MRTFB: variants seen among roughly 807,000 people sequenced by gnomAD.
MRTFB encodes the protein myocardin-related transcription factor B.
In MRTFB, 29 loss-of-function variants were observed where a neutral mutation model predicts 104.2. The observed-to-expected ratio is 0.28, with a 90% CI of 0.21 to 0.38. The LOEUF is 0.38. Among genes scored for constraint, MRTFB ranks in the 10% least tolerant of loss-of-function variants. MRTFB has a pLI of 1.00. For synonymous variants in MRTFB, 535 were observed against 519.5 expected, an observed-to-expected ratio of 1.03 and a Z score of -0.41; for missense variants, 1,270 against 1,341.6, an observed-to-expected ratio of 0.95 and a Z score of 0.83.
At position 14,071,385 on chromosome 16, in the gene MRTFB, G is replaced by A; in HGVS notation, c.-129+20G>A. Reference sequence around the variant, plus strand: ...GGGGAGGTGAGCGGCGGGCGGTGGCGGCCGTTGGGGGCTGAGGCCGGGTGA... The same window carrying A: ...GGGGAGGTGAGCGGCGGGCGGTGGCAGCCGTTGGGGGCTGAGGCCGGGTGA... On this transcript the variant is annotated intron_variant, in intron 1 of 16. Transcript: ENST00000571589. 6.2e-6 allele frequency: 1 copy of A among 162,584 alleles called. No individual in the cohort carries two copies. The highest frequency in any genetic ancestry group is 1.3e-5 in the Non-Finnish European group (1 of 76,782). 10.1% of individuals were successfully genotyped at this position (162,584 alleles called of 1,614,324 possible). A position where few individuals can be genotyped will look rare whatever the true frequency, so the allele number is the denominator to read the frequency against.
intron 3 of MRTFB, among the ~76,000 whole-genome samples, chr16:14,157,353 A>C (rs1396970823): frequency 6.6e-6 from 1 of 152,238 alleles, no homozygotes; most frequent in Non-Finnish European, 1.5e-5. Context: ...AATATCACTG[A>C]GGTTATCTGA....
the MRTFB span, among the ~76,000 whole-genome samples, chr16:14,038,962 T>C: frequency 5.3e-5 from 8 of 152,236 alleles, no homozygotes; most frequent in Non-Finnish European, 1.2e-4. Context: ...TATAAAACCA[T>C]CAGATCTCGT....
intron 2 of MRTFB, among the ~76,000 whole-genome samples, chr16:14,127,659 A>AAAT (rs2037184785): frequency 1.7e-4 from 25 of 149,356 alleles, no homozygotes; most frequent in Admixed American, 1.6e-3. Context: ...AAAAAAAAAA[A>AAAT]ATAATGACGA....
the MRTFB span, among the ~76,000 whole-genome samples, chr16:14,014,743 C>T: frequency 6.6e-6 from 1 of 152,098 alleles, no homozygotes; most frequent in African/African-American, 2.4e-5. Flanking sequence ...TGGTGGGTGC[C>T]TGTAATCCCA....
chr16:14,122,694 C>T (rs141371208), intron 2 of MRTFB, among the ~76,000 whole-genome samples: 4 of 152,162 alleles, frequency 2.6e-5, no homozygotes, highest in African/African-American at 9.6e-5. Flanking sequence ...CTATCATTGA[C>T]GGACATTTGG....
Position 14,217,188 on chromosome 16 carries a change from G to C in MRTFB, c.415G>C (p.Asp139His). ...QMKLKRARLA[D>H]DLNEKIAQRP... ...GAAGTTGAAAAGAGCTCGACTAGCA[G>C]ATGATCTGAATGAAAAGATTGCTCA... The change falls in exon 7 of 17, where the codon GAT (aspartate) becomes CAT (histidine). Residue 139 changes from aspartate (D) to histidine (H), a missense_variant. This residue lies in a region of MRTFB where 64 missense variants were observed against 152.9 expected (regional missense o/e 0.42). Coordinates refer to ENST00000571589, the MANE Select transcript of MRTFB (RefSeq NM_001308142.2). 6.2e-7 allele frequency: 1 copy of C among 1,613,950 alleles called. No homozygotes were observed. The highest frequency in any genetic ancestry group is 8.5e-7 in the Non-Finnish European group (1 of 1,179,906).
chr16:14,127,377 C>T (rs2037162919), intron 2 of MRTFB, among the ~76,000 whole-genome samples: 1 of 152,014 alleles, frequency 6.6e-6, no homozygotes, highest in Admixed American at 6.6e-5. Context: ...AGACTAAGGG[C>T]CGGGTGCGGT....
intron 3 of MRTFB, chr16:14,193,619 G>T (rs533021941): frequency 1.6e-4 from 24 of 152,294 alleles, no homozygotes; most frequent in African/African-American, 5.3e-4. Flanking sequence ...ATGGCGCTAA[G>T]TCTATTTTGT....
At chr16:14,103,338 C>CAGAGAGTGATG (rs2035796082) in intron 2 of MRTFB, among the ~76,000 whole-genome samples, 1 of 152,102 alleles carries the variant, frequency 6.6e-6, no homozygotes, top group Non-Finnish European at 1.5e-5. Context: ...GAATAAAGTT[C>CAGAGAGTGATG]AGAGAGTGAT....
At chr16:14,004,646 A>C in the MRTFB span, among the ~76,000 whole-genome samples, 1 of 152,180 alleles carries the variant, frequency 6.6e-6, no homozygotes, top group African/African-American at 2.4e-5. Flanking sequence ...TGAGCCAGAC[A>C]CAGGGACTGC....
At chr16:14,017,689 A>G in the MRTFB span, among the ~76,000 whole-genome samples, 24,287 of 32,098 alleles carry the variant, frequency 0.76, 8,725 homozygotes, top group Admixed American at 0.83. Flanking sequence ...GTGTGTGTGT[A>G]TATATATATA....
chr16:14,189,650 GTTGT>G (rs1053712525), intron 3 of MRTFB, among the ~76,000 whole-genome samples: 2 of 152,082 alleles, frequency 1.3e-5, no homozygotes, highest in Non-Finnish European at 2.9e-5. Context: ...TTGTTTTTGG[GTTGT>G]TTGAAAAAGC....
the MRTFB span, among the ~76,000 whole-genome samples, chr16:14,016,315 A>G: frequency 6.6e-6 from 1 of 151,752 alleles, no homozygotes; most frequent in East Asian, 1.9e-4. Flanking sequence ...GGCTCCTCCC[A>G]GTCAGAAAAA....
intron 3 of MRTFB, among the ~76,000 whole-genome samples, chr16:14,196,964 CTTTTTTTTT>C (rs35259229): frequency 1.9e-5 from 2 of 103,188 alleles, no homozygotes; most frequent in Admixed American, 1.3e-4. Context: ...TCTCTTTTTT[CTTTTTTTTT>C]TTTTTTTTTT....
intron 2 of MRTFB, among the ~76,000 whole-genome samples, chr16:14,131,775 A>AT (rs1057129190): frequency 2.2e-5 from 3 of 138,760 alleles, no homozygotes; most frequent in Admixed American, 6.8e-5. Context: ...GATAACTATA[A>AT]TTTAAAAAAA....
chr16:14,063,322 G>A, the MRTFB span, among the ~76,000 whole-genome samples: 1 of 152,170 alleles, frequency 6.6e-6, no homozygotes. Flanking sequence ...AAAATCACAT[G>A]TATTATTATA....
At chr16:14,171,135 T>C (rs2039408762) in intron 3 of MRTFB, among the ~76,000 whole-genome samples, 1 of 152,226 alleles carries the variant, frequency 6.6e-6, no homozygotes, top group Non-Finnish European at 1.5e-5. Context: ...CAAAATGTTC[T>C]AGGCTCAACT....
At chr16:14,063,125 C>T in the MRTFB span, among the ~76,000 whole-genome samples, 2 of 152,182 alleles carry the variant, frequency 1.3e-5, no homozygotes, top group African/African-American at 4.8e-5. Context: ...TCCTGCCCAT[C>T]CTTGATCCAG....
chr16:14,100,746 T>A (rs1567322784), intron 2 of MRTFB, among the ~76,000 whole-genome samples: 1 of 152,254 alleles, frequency 6.6e-6, no homozygotes. Context: ...AATTCAATTT[T>A]TAAAATAGAT....
Sources: gnomAD v4.1 joint callset for allele counts (sites outside exome capture counted in the v4.1 genomes callset) on GRCh38, gnomAD v4.1.1 for gene constraint, gnomAD v4.1.1 regional missense constraint, MANE v1.5 for transcripts, NCBI Gene and HGNC (gene_info 2026-07-23, HGNC 2026-07-21) for gene names.